The following DOCK9 variants were observed in gnomAD, a reference collection of about 807,000 sequenced individuals.
DOCK9 encodes dedicator of cytokinesis 9, also known as dedicator of cytokinesis protein 9.
Under a neutral mutation model 263.3 loss-of-function variants are expected in DOCK9, and 89 were observed. That is an observed-to-expected ratio of 0.34 (90% CI 0.28 to 0.40). The LOEUF is 0.40. DOCK9 is among the 10% of genes least tolerant of loss of function. The probability of loss-of-function intolerance (pLI) is 1.00; values close to 1 mark genes in which losing one functional copy is unlikely to be tolerated. For missense variants in DOCK9, 2,140 were observed against 2,603.4 expected (o/e 0.82, Z 3.87); for synonymous variants, 976 against 973.1 (o/e 1.00, Z -0.06).
Position 98,883,103 on chromosome 13 carries a change from T to C in DOCK9, c.2498A>G (p.Tyr833Cys), listed in dbSNP as rs371252474. 4.3e-6 allele frequency: 7 copies of C among 1,613,812 alleles called. No individual in the cohort carries two copies. Among genetic ancestry groups the C allele is most frequent in the Non-Finnish European group, 5.9e-6 (7 of 1,179,822 alleles). Residue 833 changes from tyrosine to cysteine, a missense_variant, in exon 23 of 53, where the codon TAC (tyrosine) becomes TGC (cysteine). Physicochemically the swap from Tyr to Cys is radical, Grantham distance 194 (BLOSUM62 -2). Coordinates refer to ENST00000682017, the MANE Select transcript of DOCK9 (RefSeq NM_001366683.2). The stretch of plus-strand genomic sequence containing the variant: ...GGCTCCAGATTCGGTTTTCTGACAG[T>C]ACTGGAAAAAATTATGTAAATGCTG... ...QDQHLHNFFQ[Y>C]CQKTESGAQA...
chr13:98,899,550 A>G (rs1462984580), intron 13 of DOCK9, among the ~76,000 whole-genome samples: 8 of 152,166 alleles, frequency 5.3e-5, no homozygotes, highest in South Asian at 2.1e-4. Context: ...CCCTTCTCCA[A>G]TGAGGTATGT....
chr13:98,995,575 G>GC (rs964278531), intron 1 of DOCK9, among the ~76,000 whole-genome samples: 4 of 140,486 alleles, frequency 2.8e-5, no homozygotes, highest in African/African-American at 1.1e-4. Flanking sequence ...TGCAAGCTCC[G>GC]CCCCCCGAGT....
Position 98,819,738 on chromosome 13 carries a change from G to T in DOCK9, c.5130+4660C>A, listed in dbSNP as rs531852464. Among the ~76,000 whole-genome samples, 3 of 152,346 alleles carry T rather than the reference G, an allele frequency of 2.0e-5. No homozygotes were observed. The East Asian group carries it at 5.8e-4, about 29-fold the overall frequency. ...TGTCAGTCAAGGGTAAAGTGGACAT[G>T]AGCTAGCTCTAAAGGTTTAACCACC... On this transcript the variant is annotated intron_variant, in intron 45 of 52. Transcript: ENST00000682017.
intron 1 of DOCK9, among the ~76,000 whole-genome samples, chr13:99,084,859 G>A (rs2042268438): frequency 6.6e-6 from 1 of 152,216 alleles, no homozygotes; most frequent in African/African-American, 2.4e-5. Context: ...CAAAACTCAG[G>A]AAGATGCAGG....
chr13:99,007,989 A>G (rs1595890669), intron 1 of DOCK9, among the ~76,000 whole-genome samples: 1 of 152,128 alleles, frequency 6.6e-6, no homozygotes, highest in African/African-American at 2.4e-5. Flanking sequence ...GAAATCTGCT[A>G]AGAAAACAAT....
intron 30 of DOCK9, among the ~76,000 whole-genome samples, chr13:98,866,849 C>G (rs918691984): frequency 3.3e-5 from 5 of 152,168 alleles, no homozygotes; most frequent in African/African-American, 1.2e-4. Flanking sequence ...CCAGTGACTT[C>G]AGGAGCAAAA....
At chr13:99,041,056 T>A (rs566356218) in intron 1 of DOCK9, among the ~76,000 whole-genome samples, 1 of 152,308 alleles carries the variant, frequency 6.6e-6, no homozygotes, top group Admixed American at 6.5e-5. Context: ...ATGGGGCCAC[T>A]GGACATCTGT....
chr13:99,003,152 CACATA>C (rs1201655709), intron 1 of DOCK9, among the ~76,000 whole-genome samples: 4 of 152,172 alleles, frequency 2.6e-5, no homozygotes, highest in African/African-American at 9.7e-5. Context: ...GGATGGTGTG[CACATA>C]ACATATTTTG....
chr13:99,036,545 G>A (rs962595479), intron 1 of DOCK9, among the ~76,000 whole-genome samples: 1 of 151,816 alleles, frequency 6.6e-6, no homozygotes, highest in Non-Finnish European at 1.5e-5. Flanking sequence ...TTGGTTTTTT[G>A]TTTTGTTTTG....
At chr13:98,979,256 C>CAGT (rs1876449298), upstream of DOCK9, among the ~76,000 whole-genome samples, 1 of 151,858 alleles carries the variant, frequency 6.6e-6, no homozygotes, top group Admixed American at 6.6e-5. Context: ...GCAGCAGCAG[C>CAGT]AGTATTCAGT....
chr13:99,087,555 G>A (rs919203518), upstream of DOCK9, among the ~76,000 whole-genome samples: 11 of 152,134 alleles, frequency 7.2e-5, no homozygotes, highest in African/African-American at 2.7e-4. Flanking sequence ...GCCACCCTGT[G>A]AGGGACTTTC....
chr13:98,944,796 C>G (rs1395363436), intron 2 of DOCK9, among the ~76,000 whole-genome samples: 1 of 152,234 alleles, frequency 6.6e-6, no homozygotes, highest in South Asian at 2.1e-4. Context: ...ATCCTCCTAG[C>G]CTATCAGGCC....
At chr13:99,067,342 C>G (rs1297246620) in intron 1 of DOCK9, among the ~76,000 whole-genome samples, 2 of 152,218 alleles carry the variant, frequency 1.3e-5, no homozygotes, top group African/African-American at 4.8e-5. Context: ...TCTCTGCTAA[C>G]ATCATCATCA....
At chr13:99,084,022 T>C (rs2042231489) in intron 1 of DOCK9, among the ~76,000 whole-genome samples, 1 of 152,234 alleles carries the variant, frequency 6.6e-6, no homozygotes, top group Non-Finnish European at 1.5e-5. Flanking sequence ...TAAGGACAGA[T>C]GCACAGACCA....
rs567288918 is a variant in DOCK9, at chr13:98,813,575, C to T, written c.5131-3284G>A. On this transcript the variant is annotated intron_variant, in intron 45 of 52. Transcript: ENST00000682017. The stretch of plus-strand genomic sequence containing the variant: ...ACTCCCAGAATAAACCCTACGTGGT[C>T]ATGATGCATTTCTCTGTTTTATGTA... Among the ~76,000 whole-genome samples, 484 of 152,212 alleles carry T rather than the reference C, an allele frequency of 3.2e-3. 5 individuals carry two copies. Among genetic ancestry groups the T allele is most frequent in the African/African-American group, 0.011 (471 of 41,542 alleles).
At chr13:98,948,983 G>A (rs553849954) in intron 2 of DOCK9, among the ~76,000 whole-genome samples, 9 of 152,174 alleles carry the variant, frequency 5.9e-5, no homozygotes, top group South Asian at 2.1e-4. Flanking sequence ...TCCCGCTTTC[G>A]GCTACTGTAA....
intron 27 of DOCK9, among the ~76,000 whole-genome samples, chr13:98,873,890 C>A (rs1419518837): frequency 1.3e-5 from 2 of 152,210 alleles, no homozygotes; most frequent in Non-Finnish European, 2.9e-5. Flanking sequence ...CCTGGTAAAC[C>A]AAGCCCTCTA....
At chr13:98,847,392 A>G (rs567390374) in intron 37 of DOCK9, 1 of 152,298 alleles carries the variant, frequency 6.6e-6, no homozygotes, top group East Asian at 1.9e-4. Context: ...GTACTCCAAA[A>G]CTCAAATATA....
chr13:99,028,712 C>T (rs952379513), intron 1 of DOCK9, among the ~76,000 whole-genome samples: 1 of 152,172 alleles, frequency 6.6e-6, no homozygotes, highest in African/African-American at 2.4e-5. Flanking sequence ...AGCCCAGCAA[C>T]AGGTAATGTG....
Sources: allele counts gnomAD v4.1 joint callset (sites outside exome capture counted in the v4.1 genomes callset), GRCh38; gene constraint gnomAD v4.1.1; transcripts MANE v1.5; gene names NCBI Gene and HGNC (gene_info 2026-07-23, HGNC 2026-07-21).